GAB3: variants seen among roughly 807,000 people sequenced by gnomAD.
GAB3 encodes the protein GRB2-associated-binding protein 3.
Under a neutral mutation model 40.4 loss-of-function variants are expected in GAB3, and 12 were observed. The observed-to-expected ratio is 0.30, with a 90% CI of 0.19 to 0.48. The LOEUF (loss-of-function observed/expected upper bound fraction) is 0.48. Among genes scored for constraint, GAB3 ranks in the 20% least tolerant of loss-of-function variants. The pLI, the probability that GAB3 is intolerant of heterozygous loss-of-function variation, is 0.99. For synonymous variants in GAB3, 154 were observed against 176.7 expected (o/e 0.87, Z 1.02); for missense variants, 381 against 461.9 (o/e 0.82, Z 1.61).
At chrX:154,741,809 C>T (rs1367561141) in intron 1 of GAB3, among the ~76,000 whole-genome samples, 3 of 111,334 alleles carry the variant, frequency 2.7e-5, no homozygotes, top group African/African-American at 9.8e-5. Flanking sequence ...CTTCACAGGG[C>T]AGCAGGATGA....
intron 1 of GAB3, among the ~76,000 whole-genome samples, chrX:154,746,177 C>G (rs2071527475): frequency 9.0e-6 from 1 of 110,990 alleles, no homozygotes; most frequent in African/African-American, 3.3e-5. Flanking sequence ...GAAGGAATAC[C>G]AATTCTACAC....
intron 4 of GAB3, among the ~76,000 whole-genome samples, chrX:154,700,291 C>A (rs1390704868): frequency 8.9e-6 from 1 of 111,873 alleles, no homozygotes; most frequent in Non-Finnish European, 1.9e-5. Context: ...TTAACAAATT[C>A]TTATTGCATT....
intron 4 of GAB3, among the ~76,000 whole-genome samples, chrX:154,700,809 G>A (rs1435931291): frequency 9.0e-6 from 1 of 110,913 alleles, no homozygotes; most frequent in African/African-American, 3.3e-5. Context: ...GCATGTGGTG[G>A]CCAGAGCAAA....
At chrX:154,751,142 G>GGCCGCTGCGACCCCCGCCTCCGGCC (rs2071610388), upstream of GAB3, 1 of 660,347 alleles carries the variant, frequency 1.5e-6, no homozygotes, top group Non-Finnish European at 1.8e-6. Flanking sequence ...CGCCCCGAGC[G>GGCCGCTGCGACCCCCGCCTCCGGCC]GCCGCTGCGA....
chrX:154,746,052 C>CAAAAAA (rs201582710), intron 1 of GAB3, among the ~76,000 whole-genome samples: 4 of 31,535 alleles, frequency 1.3e-4, no homozygotes, highest in Non-Finnish European at 1.8e-4. Flanking sequence ...AACTCCATCT[C>CAAAAAA]AAAAAAAAAA....
intron 9 of GAB3, chrX:154,679,438 C>A: frequency 4.9e-6 from 1 of 205,352 alleles, no homozygotes; most frequent in Non-Finnish European, 9.4e-6. Context: ...TTGCTCCCAC[C>A]CTTCTTACCA....
chrX:154,695,608 C>T (rs1251267404), intron 8 of GAB3, among the ~76,000 whole-genome samples: 8 of 112,451 alleles, frequency 7.1e-5, no homozygotes, highest in Non-Finnish European at 1.3e-4. Context: ...TGGGGTCAAA[C>T]AGGACATCAC....
intron 2 of GAB3, among the ~76,000 whole-genome samples, chrX:154,714,634 A>T (rs938623811): frequency 8.9e-6 from 1 of 112,430 alleles, no homozygotes; most frequent in Non-Finnish European, 1.9e-5. Context: ...TCATGCCGGG[A>T]CAGGCTCTCC....
At chrX:154,742,059 C>T (rs6643698) in intron 1 of GAB3, among the ~76,000 whole-genome samples, 1 of 111,506 alleles carries the variant, frequency 9.0e-6, no homozygotes, top group South Asian at 3.7e-4. Flanking sequence ...GTTCAACCAA[C>T]CACAAATTGA....
chrX:154,684,081 T>A (rs1482410822), intron 8 of GAB3, among the ~76,000 whole-genome samples: 1 of 112,266 alleles, frequency 8.9e-6, no homozygotes, highest in Non-Finnish European at 1.9e-5. Context: ...TCTATGAACA[T>A]TTGTGTACGA....
Position 154,695,684 on chromosome X carries a change from T to C in GAB3, c.1530+233A>G, listed in dbSNP as rs57022701. Reference sequence around the variant, plus strand: ...TTAAGCAAGCCTCAGCCCTGAGCTATCTTGAAATACTGCAATCTCAAAATG... The same window carrying C: ...TTAAGCAAGCCTCAGCCCTGAGCTACCTTGAAATACTGCAATCTCAAAATG... On this transcript the variant is annotated intron_variant, in intron 8 of 9. Coordinates refer to ENST00000424127, the MANE Select transcript of GAB3 (RefSeq NM_001081573.3). Among the ~76,000 whole-genome samples, 2,900 of 112,517 alleles carry C rather than the reference T, an allele frequency of 0.026. 86 individuals carry two copies. Among genetic ancestry groups the C allele is most frequent in the African/African-American group, 0.088 (2,717 of 30,933 alleles).
intron 1 of GAB3, among the ~76,000 whole-genome samples, chrX:154,717,972 G>T (rs111890359): frequency 8.9e-6 from 1 of 111,734 alleles, no homozygotes; most frequent in African/African-American, 3.3e-5. Context: ...ACGGCTGACC[G>T]CAGGGAGATT....
intron 1 of GAB3, among the ~76,000 whole-genome samples, chrX:154,733,735 A>T: frequency 8.9e-6 from 1 of 112,112 alleles, no homozygotes; most frequent in Non-Finnish European, 1.9e-5. Context: ...ATTTAAATAC[A>T]ACATATATCT....
At chrX:154,686,397 C>G (rs1341859297) in intron 8 of GAB3, among the ~76,000 whole-genome samples, 1 of 98,336 alleles carries the variant, frequency 1.0e-5, no homozygotes, top group Non-Finnish European at 2.1e-5. Context: ...CTCAGAAGTT[C>G]AAGACCAGCC....
intron 4 of GAB3, 88 bp downstream of exon 4, chrX:154,712,141 G>C: frequency 1.6e-6 from 1 of 642,222 alleles, no homozygotes; most frequent in Non-Finnish European, 2.4e-6. Flanking sequence ...CCATCGTTTT[G>C]GTCCATTGGC....
chrX:154,709,344 G>A (rs1187114794), intron 4 of GAB3, among the ~76,000 whole-genome samples: 40 of 98,502 alleles, frequency 4.1e-4, no homozygotes, highest in African/African-American at 1.4e-3. Context: ...TTTTTGAGAC[G>A]AAGTCTTGCT....
chrX:154,712,623 G>A lies in GAB3; in HGVS notation c.675C>T (p.Asp225=). 1 of 1,140,873 alleles carries A rather than the reference G, an allele frequency of 8.8e-7. No homozygotes were observed. The allele number at this position is 1,140,873 out of a possible 1,213,427, so 94.0% of individuals were successfully genotyped here. A position where few individuals can be genotyped will look rare whatever the true frequency, so the allele number is the denominator to read the frequency against. ...GACTGGAGGGGAGCGGCTGCAGGCA[G>A]TCAACAAAAACATCATCAAATGAAG... ...EQASFDDVFV[D]CLQPLPSSHL... is the part of the protein sequence containing the mutation. Residue 225 remains aspartate (D), a synonymous_variant, in exon 4 of 10, where the codon GAC becomes GAT. Coordinates refer to ENST00000424127, the MANE Select transcript of GAB3 (RefSeq NM_001081573.3).
intron 1 of GAB3, among the ~76,000 whole-genome samples, chrX:154,740,495 C>T (rs1165210584): frequency 4.5e-5 from 5 of 111,936 alleles, no homozygotes; most frequent in African/African-American, 9.8e-5. Context: ...CCCACTATGA[C>T]GAGAAAAGCT....
intron 6 of GAB3, among the ~76,000 whole-genome samples, chrX:154,698,649 T>C (rs2070697146): frequency 8.9e-6 from 1 of 111,967 alleles, no homozygotes; most frequent in Non-Finnish European, 1.9e-5. Context: ...CACTCTGACC[T>C]GCTCTTCCTC....
Sources: allele counts gnomAD v4.1 joint callset (sites outside exome capture counted in the v4.1 genomes callset), GRCh38; gene constraint gnomAD v4.1.1; transcripts MANE v1.5; gene names NCBI Gene and HGNC (gene_info 2026-07-23, HGNC 2026-07-21).